ANKRD11: variants seen among roughly 807,000 people sequenced by gnomAD.
ANKRD11 encodes ankyrin repeat domain-containing protein 11.
In ANKRD11, 17 loss-of-function variants were observed where a neutral mutation model predicts 195.7. The observed-to-expected ratio is 0.09, with a 90% CI of 0.06 to 0.13. ANKRD11 has a LOEUF of 0.13. Ranked by LOEUF, ANKRD11 falls within the 10% of genes least tolerant of loss-of-function variation. The pLI is 1.00. For missense variants in ANKRD11, 3,735 were observed against 3,566.1 expected, an observed-to-expected ratio of 1.05 and a Z score of -1.21; for synonymous variants, 1,953 against 1,528.1, an observed-to-expected ratio of 1.28 and a Z score of -6.49.
chr16:89,487,753 G>A (rs565614645), intron 1 of ANKRD11, among the ~76,000 whole-genome samples: 12 of 152,230 alleles, frequency 7.9e-5, no homozygotes, highest in Admixed American at 1.3e-4. Context: ...CAGCCTGGGC[G>A]ACAGAGCGAG....
intron 1 of ANKRD11, among the ~76,000 whole-genome samples, chr16:89,487,058 GA>G (rs2057642017): frequency 6.6e-6 from 1 of 150,876 alleles, no homozygotes; most frequent in Admixed American, 6.6e-5. Context: ...AACACACACT[GA>G]AAACATTTCA....
chr16:89,293,223 C>T (rs987923179), intron 4 of ANKRD11, among the ~76,000 whole-genome samples: 2 of 152,152 alleles, frequency 1.3e-5, no homozygotes, highest in African/African-American at 2.4e-5. Flanking sequence ...CCTGAGAACA[C>T]GAGGAAAGCA....
rs1567575135 is a variant in ANKRD11 at position 89,283,577 on chromosome 16, A to C, written c.2965T>G (p.Ser989Ala). Residue 989 changes from serine (S) to alanine (A), a missense_variant, in exon 9 of 13, where the codon TCC becomes GCC. Physicochemically the swap from Ser to Ala is moderately conservative, Grantham distance 99. Transcript: ENST00000301030. This position sits in a 1 kb window ranked among gnomAD's most constrained non-coding sequence, Gnocchi z 4.3. ...AGGCCCTTCCCAAAGTCGCCGTCGG[A>C]CTTGTCCTTGAAGCCACTCTCGCAG... Reference protein sequence around the residue: ...CGCESGFKDKSDGDFGKGLEP... With the variant: ...CGCESGFKDKADGDFGKGLEP... 1 of 1,610,224 alleles carries C rather than the reference A, an allele frequency of 6.2e-7. No homozygotes were observed. The highest frequency in any genetic ancestry group is 8.5e-7 in the Non-Finnish European group (1 of 1,179,924).
chr16:89,458,550 A>G (rs2152328509), intron 1 of ANKRD11, among the ~76,000 whole-genome samples: 1 of 152,294 alleles, frequency 6.6e-6, no homozygotes, highest in East Asian at 1.9e-4. Context: ...TAGGAATAAC[A>G]TTTTACATTA....
intron 1 of ANKRD11, among the ~76,000 whole-genome samples, chr16:89,456,239 CA>C (rs992668402): frequency 3.1e-4 from 41 of 132,116 alleles, no homozygotes; most frequent in Admixed American, 3.1e-4. Context: ...GATTCGGTCC[CA>C]AAAAAAAAAG....
chr16:89,362,247 T>C (rs530657839), intron 2 of ANKRD11, among the ~76,000 whole-genome samples: 2 of 152,256 alleles, frequency 1.3e-5, no homozygotes, highest in African/African-American at 2.4e-5. Flanking sequence ...ACGGCACATA[T>C]GCTTTTCGGG....
intron 2 of ANKRD11, among the ~76,000 whole-genome samples, chr16:89,413,029 G>T (rs1270588996): frequency 6.6e-6 from 1 of 152,136 alleles, no homozygotes; most frequent in East Asian, 1.9e-4. Context: ...CCCTCCCCCA[G>T]GCCCTGGGAC....
chr16:89,405,173 G>A (rs1047998978), intron 2 of ANKRD11, among the ~76,000 whole-genome samples: 2 of 151,868 alleles, frequency 1.3e-5, no homozygotes, highest in Non-Finnish European at 2.9e-5. Context: ...CAGCCTGGGC[G>A]ACAGAGCAAG....
rs1030382137 is a variant in ANKRD11, at chr16:89,290,771, T to A, written c.455A>T (p.Asn152Ile). The A allele has an allele frequency of 3.1e-6, 5 of 1,613,980 alleles. No individual in the cohort carries two copies. In the South Asian group the frequency reaches 4.4e-5, roughly 14 times the overall value. Residue 152 changes from asparagine (N) to isoleucine (I), a missense_variant, in exon 6 of 13, where the codon AAC (asparagine) becomes ATC (isoleucine). Coordinates refer to ENST00000301030, the MANE Select transcript of ANKRD11 (RefSeq NM_013275.6). ...TTTATCTTTGGTTTTTGAGGCAGAG[T>A]TGGGCGTTCCCTTCTGACACACTGT... ...QSTVCQKGTP[N>I]SASKTKDKVN...
At chr16:89,413,154 T>C (rs2042164363) in intron 2 of ANKRD11, among the ~76,000 whole-genome samples, 1 of 152,218 alleles carries the variant, frequency 6.6e-6, no homozygotes, top group Admixed American at 6.5e-5. Context: ...GCATCTTCTA[T>C]AAGTTACTGC....
intron 2 of ANKRD11, among the ~76,000 whole-genome samples, chr16:89,378,535 T>C (rs1301569288): frequency 1.3e-5 from 2 of 152,208 alleles, no homozygotes; most frequent in Non-Finnish European, 2.9e-5. Flanking sequence ...AAGCTAAATG[T>C]ACGTGCTATA....
intron 2 of ANKRD11, among the ~76,000 whole-genome samples, chr16:89,375,841 C>T (rs1027553389): frequency 6.6e-6 from 1 of 150,748 alleles, no homozygotes; most frequent in African/African-American, 2.4e-5. Context: ...ATACCATAAA[C>T]CCTAAATGAC....
At chr16:89,414,604 G>C (rs974389246) in intron 2 of ANKRD11, among the ~76,000 whole-genome samples, 1 of 152,290 alleles carries the variant, frequency 6.6e-6, no homozygotes, top group African/African-American at 2.4e-5. Flanking sequence ...CAGTAGATAC[G>C]ACCGTGACCA....
At chr16:89,303,279 A>G (rs1438072642) in intron 4 of ANKRD11, among the ~76,000 whole-genome samples, 3 of 152,224 alleles carry the variant, frequency 2.0e-5, no homozygotes, top group Admixed American at 2.0e-4. Context: ...ACGTATCAAC[A>G]TGACGGCCTT....
At chr16:89,353,350 A>AAAAGAGAG (rs1555550448) in intron 2 of ANKRD11, among the ~76,000 whole-genome samples, 3 of 149,460 alleles carry the variant, frequency 2.0e-5, no homozygotes, top group African/African-American at 7.4e-5. Flanking sequence ...TCCAAAAAAA[A>AAAAGAGAG]AGAGAGAGAG....
chr16:89,390,030 C>T (rs1251690747), intron 2 of ANKRD11, among the ~76,000 whole-genome samples: 1 of 75,696 alleles, frequency 1.3e-5, no homozygotes, highest in Non-Finnish European at 2.4e-5. Context: ...CCGAGTGTGA[C>T]GGGGAGCACC....
intron 1 of ANKRD11, among the ~76,000 whole-genome samples, chr16:89,465,177 G>A (rs1485991586): frequency 6.6e-6 from 1 of 152,156 alleles, no homozygotes; most frequent in Non-Finnish European, 1.5e-5. Flanking sequence ...AGAACATGCG[G>A]CCACAAGGTC....
chr16:89,438,215 A>C (rs1182914461), intron 1 of ANKRD11, among the ~76,000 whole-genome samples: 2 of 152,252 alleles, frequency 1.3e-5, no homozygotes, highest in African/African-American at 4.8e-5. Flanking sequence ...ATCTCACACC[A>C]TACACAAACA....
chr16:89,341,877 CACG>C (rs2038682977), intron 2 of ANKRD11, among the ~76,000 whole-genome samples: 1 of 145,658 alleles, frequency 6.9e-6, no homozygotes, highest in Non-Finnish European at 1.5e-5. Context: ...GGCCACGGCC[CACG>C]GCAGGAGTGC....
Sources: gnomAD v4.1 joint callset for allele counts (sites outside exome capture counted in the v4.1 genomes callset) on GRCh38, gnomAD v4.1.1 for gene constraint, Gnocchi (gnomAD v3.1) non-coding constraint, MANE v1.5 for transcripts, NCBI Gene and HGNC (gene_info 2026-07-23, HGNC 2026-07-21) for gene names.